The following SCHIP1 variants were observed in gnomAD, a reference collection of about 807,000 sequenced individuals.
SCHIP1 encodes schwannomin-interacting protein 1.
In SCHIP1, 8 loss-of-function variants were observed where a neutral mutation model predicts 29.7. The observed-to-expected ratio is 0.27, with a 90% CI of 0.16 to 0.49. The LOEUF (loss-of-function observed/expected upper bound fraction) is 0.49, where lower values mean the gene tolerates loss of function less well. Ranked by LOEUF, SCHIP1 falls within the 20% of genes least tolerant of loss-of-function variation. SCHIP1 has a pLI of 0.99. For missense variants in SCHIP1, 193 were observed against 294.6 expected (o/e 0.66, Z 2.52); for synonymous variants, 76 against 94.9 (o/e 0.80, Z 1.16).
the SCHIP1 span, among the ~76,000 whole-genome samples, chr3:159,469,400 A>G: frequency 6.6e-6 from 1 of 152,320 alleles, no homozygotes; most frequent in African/African-American, 2.4e-5. Context: ...AGCTGAATTC[A>G]GAGTGAAATT....
the SCHIP1 span, among the ~76,000 whole-genome samples, chr3:159,718,012 C>T: frequency 6.6e-6 from 1 of 152,170 alleles, no homozygotes; most frequent in Non-Finnish European, 1.5e-5. Context: ...TCCAGCAGCA[C>T]ATTCAAAAGC....
At chr3:159,370,669 G>C in the SCHIP1 span, among the ~76,000 whole-genome samples, 1 of 152,120 alleles carries the variant, frequency 6.6e-6, no homozygotes, top group Non-Finnish European at 1.5e-5. Flanking sequence ...TTGGGGCCCA[G>C]AGAGAACAAA....
At chr3:159,717,715 C>A in the SCHIP1 span, among the ~76,000 whole-genome samples, 2 of 152,132 alleles carry the variant, frequency 1.3e-5, no homozygotes, top group African/African-American at 4.8e-5. Flanking sequence ...CAATAACAGG[C>A]TCTGAAATTG....
intron 2 of SCHIP1, among the ~76,000 whole-genome samples, chr3:159,881,444 T>A (rs1716430330): frequency 6.6e-6 from 1 of 152,196 alleles, no homozygotes; most frequent in Non-Finnish European, 1.5e-5. Context: ...CGAGCCACAC[T>A]GGTTGTAGGC....
the SCHIP1 span, among the ~76,000 whole-genome samples, chr3:159,321,113 T>C: frequency 6.6e-6 from 1 of 152,126 alleles, no homozygotes; most frequent in African/African-American, 2.4e-5. Context: ...TATAGGCACC[T>C]GCCACCACGC....
At chr3:159,646,128 A>C in the SCHIP1 span, among the ~76,000 whole-genome samples, 22 of 152,168 alleles carry the variant, frequency 1.4e-4, no homozygotes, top group Non-Finnish European at 1.5e-5. Context: ...AACTCCACAG[A>C]GCACAAGCTT....
the SCHIP1 span, among the ~76,000 whole-genome samples, chr3:159,524,955 T>G: frequency 2.6e-5 from 4 of 152,176 alleles, no homozygotes; most frequent in African/African-American, 4.8e-5. Flanking sequence ...CTCCTGTAGA[T>G]GAGTGACATG....
chr3:159,557,893 T>C, the SCHIP1 span, among the ~76,000 whole-genome samples: 1 of 152,302 alleles, frequency 6.6e-6, no homozygotes, highest in East Asian at 1.9e-4. Flanking sequence ...GCAAATCCCA[T>C]CCAGGTCTTT....
the SCHIP1 span, among the ~76,000 whole-genome samples, chr3:159,697,876 TATC>T: frequency 6.6e-6 from 1 of 152,270 alleles, no homozygotes; most frequent in Non-Finnish European, 1.5e-5. Context: ...AGTGCTATTT[TATC>T]ATCATTTGTA....
At chr3:159,602,491 A>C in the SCHIP1 span, among the ~76,000 whole-genome samples, 1 of 152,116 alleles carries the variant, frequency 6.6e-6, no homozygotes, top group Non-Finnish European at 1.5e-5. Context: ...CAAGTGGATC[A>C]CGAGGTCAGG....
the SCHIP1 span, among the ~76,000 whole-genome samples, chr3:159,542,288 T>C: frequency 2.6e-5 from 4 of 152,190 alleles, no homozygotes; most frequent in East Asian, 1.9e-4. Flanking sequence ...TTTTGACATA[T>C]GTATACAGTG....
At chr3:159,292,866 G>T in the SCHIP1 span, among the ~76,000 whole-genome samples, 2 of 152,116 alleles carry the variant, frequency 1.3e-5, no homozygotes, top group Admixed American at 6.6e-5. Flanking sequence ...GGAATCATGG[G>T]ATGTATATAG....
At chr3:159,830,952 G>C in the SCHIP1 span, among the ~76,000 whole-genome samples, 1 of 152,174 alleles carries the variant, frequency 6.6e-6, no homozygotes, top group Admixed American at 6.5e-5. Context: ...TGCCACAACA[G>C]CCTTTCCTGT....
the SCHIP1 span, among the ~76,000 whole-genome samples, chr3:159,577,830 T>C: frequency 6.6e-6 from 1 of 152,046 alleles, no homozygotes; most frequent in South Asian, 2.1e-4. Flanking sequence ...AATCCTGGAG[T>C]TTCCCAGCAA....
the SCHIP1 span, among the ~76,000 whole-genome samples, chr3:159,694,165 C>T: frequency 6.6e-6 from 1 of 152,130 alleles, no homozygotes; most frequent in Non-Finnish European, 1.5e-5. Flanking sequence ...TTTCAAATCC[C>T]ATGAGGTATA....
At chr3:159,719,747 G>A in the SCHIP1 span, among the ~76,000 whole-genome samples, 1 of 152,194 alleles carries the variant, frequency 6.6e-6, no homozygotes, top group African/African-American at 2.4e-5. Context: ...AGGTGCTGGA[G>A]AAGATGTGGA....
the SCHIP1 span, chr3:159,765,186 C>T: frequency 2.0e-6 from 3 of 1,498,118 alleles, no homozygotes; most frequent in South Asian, 2.5e-5. Context: ...CGCGTACACA[C>T]CCCGCGCACA....
the SCHIP1 span, among the ~76,000 whole-genome samples, chr3:159,452,101 C>T: frequency 6.7e-6 from 1 of 148,852 alleles, no homozygotes; most frequent in East Asian, 2.0e-4. Context: ...TTAGCTGTAA[C>T]AATAAAAAGC....
At chr3:159,512,657 T>C in the SCHIP1 span, among the ~76,000 whole-genome samples, 1 of 152,226 alleles carries the variant, frequency 6.6e-6, no homozygotes, top group African/African-American at 2.4e-5. Flanking sequence ...ACGAACATCA[T>C]GGAGAATGGG....
Sources: gnomAD v4.1 joint callset for allele counts (sites outside exome capture counted in the v4.1 genomes callset) on GRCh38, gnomAD v4.1.1 for gene constraint, MANE v1.5 for transcripts, NCBI Gene and HGNC (gene_info 2026-07-23, HGNC 2026-07-21) for gene names.